Variants in JMJD1C observed in about 807,000 individuals in gnomAD.
JMJD1C encodes jumonji domain-containing protein 1C.
A neutral mutation model predicts 245.3 loss-of-function variants in JMJD1C; 31 were observed. The observed-to-expected ratio is 0.13, with a 90% CI of 0.09 to 0.17. The LOEUF is 0.17. JMJD1C is among the 10% of genes least tolerant of loss of function. JMJD1C has a pLI of 1.00. For missense variants in JMJD1C, 2,691 were observed against 3,000.2 expected (o/e 0.90, Z 2.41); for synonymous variants, 1,057 against 1,017.4 (o/e 1.04, Z -0.74).
chr10:63,417,017 A>G (rs1481377797), intron 1 of JMJD1C, among the ~76,000 whole-genome samples: 2 of 152,182 alleles, frequency 1.3e-5, no homozygotes, highest in African/African-American at 4.8e-5. Flanking sequence ...ACTAATTCAC[A>G]TTACTAGGTG....
chr10:63,355,799 A>C lies in JMJD1C; in HGVS notation c.333+24519T>G, dbSNP rs796368870. Among the ~76,000 whole-genome samples, 18 of 152,302 alleles carry C rather than the reference A, an allele frequency of 1.2e-4. 1 individual carries two copies. Among genetic ancestry groups the C allele is most frequent in the African/African-American group, 4.3e-4 (18 of 41,568 alleles). On this transcript the variant is annotated intron_variant, in intron 2 of 25. Transcript: ENST00000399262. ...GCATTTATCTTAGATCATATACAAT[A>C]ATGAGATGGGCGCCCAGTGAGAAAG...
At chr10:63,450,045 C>T (rs958011665) in intron 1 of JMJD1C, among the ~76,000 whole-genome samples, 1 of 151,954 alleles carries the variant, frequency 6.6e-6, no homozygotes, top group African/African-American at 2.4e-5. Flanking sequence ...CCCAGGAGGT[C>T]CGGGCTACAA....
At chr10:63,363,626 G>A (rs763383262) in intron 2 of JMJD1C, among the ~76,000 whole-genome samples, 1 of 151,966 alleles carries the variant, frequency 6.6e-6, no homozygotes, top group Admixed American at 6.6e-5. Flanking sequence ...AAAGCATCTG[G>A]GGCTTTGATT....
At chr10:63,443,666 T>C (rs1037732505) in intron 1 of JMJD1C, among the ~76,000 whole-genome samples, 8 of 152,174 alleles carry the variant, frequency 5.3e-5, no homozygotes, top group Non-Finnish European at 7.4e-5. Flanking sequence ...TTATAGAGGT[T>C]TGGTTACATA....
chr10:63,211,858 A>G (rs1847397674), intron 8 of JMJD1C, among the ~76,000 whole-genome samples: 2 of 151,444 alleles, frequency 1.3e-5, no homozygotes, highest in Admixed American at 6.6e-5. Flanking sequence ...CCCCACAAAA[A>G]AACAAAAAAA....
intron 2 of JMJD1C, among the ~76,000 whole-genome samples, chr10:63,305,609 G>T (rs1399387086): frequency 7.4e-6 from 1 of 135,876 alleles, no homozygotes; most frequent in Non-Finnish European, 1.6e-5. Flanking sequence ...TGGGACTACG[G>T]GCAAGCACCA....
chr10:63,399,342 C>G (rs987784985), intron 1 of JMJD1C, among the ~76,000 whole-genome samples: 6 of 152,068 alleles, frequency 3.9e-5, no homozygotes, highest in African/African-American at 1.2e-4. Flanking sequence ...AACCATATAT[C>G]CAAGGAACCC....
upstream of JMJD1C, among the ~76,000 whole-genome samples, chr10:63,466,812 C>T (rs1182057793): frequency 6.6e-6 from 1 of 152,158 alleles, no homozygotes; most frequent in African/African-American, 2.4e-5. Context: ...CATCCAATTA[C>T]AATCGGACTC....
intron 2 of JMJD1C, among the ~76,000 whole-genome samples, chr10:63,330,798 G>A (rs1013391668): frequency 2.0e-5 from 3 of 152,040 alleles, no homozygotes; most frequent in African/African-American, 7.3e-5. Context: ...TTGTATTTCT[G>A]AAATTTGGCT....
chr10:63,323,188 A>C (rs899900053), intron 2 of JMJD1C, among the ~76,000 whole-genome samples: 2 of 152,166 alleles, frequency 1.3e-5, no homozygotes, highest in Non-Finnish European at 2.9e-5. Flanking sequence ...GCTGAAACAC[A>C]AGGAAAAGCC....
intron 2 of JMJD1C, among the ~76,000 whole-genome samples, chr10:63,362,751 G>C (rs908628229): frequency 1.3e-5 from 2 of 152,106 alleles, no homozygotes; most frequent in Middle Eastern, 3.4e-3. Context: ...AAAATGCTGG[G>C]ATTACAGGCA....
chr10:63,423,245 G>A (rs1329372079), intron 1 of JMJD1C, among the ~76,000 whole-genome samples: 1 of 152,128 alleles, frequency 6.6e-6, no homozygotes, highest in Non-Finnish European at 1.5e-5. Flanking sequence ...GATTACAGGC[G>A]TGAGGCACCG....
At chr10:63,498,323 C>T (rs1954424947) in intron 1 of JMJD1C, among the ~76,000 whole-genome samples, 1 of 152,046 alleles carries the variant, frequency 6.6e-6, no homozygotes, top group African/African-American at 2.4e-5. Context: ...TTCTCATCAG[C>T]AAGAAACAAG....
intron 1 of JMJD1C, among the ~76,000 whole-genome samples, chr10:63,442,512 G>A (rs1210635064): frequency 6.6e-6 from 1 of 152,198 alleles, no homozygotes; most frequent in Non-Finnish European, 1.5e-5. Flanking sequence ...GCAGCAGAAT[G>A]TTATGTATTT....
At chr10:63,302,302 G>A (rs184734994) in intron 2 of JMJD1C, among the ~76,000 whole-genome samples, 1 of 152,140 alleles carries the variant, frequency 6.6e-6, no homozygotes, top group African/African-American at 2.4e-5. Context: ...GTTACGAGAA[G>A]AAAAATGCCT....
chr10:63,517,095 T>C (rs1955041892), intron 1 of JMJD1C, among the ~76,000 whole-genome samples: 1 of 152,198 alleles, frequency 6.6e-6, no homozygotes, highest in East Asian at 1.9e-4. Flanking sequence ...CAAATAAATA[T>C]ATTTTTTAGC....
At chr10:63,261,138 T>A (rs74137711) in intron 3 of JMJD1C, among the ~76,000 whole-genome samples, 1 of 152,172 alleles carries the variant, frequency 6.6e-6, no homozygotes, top group Non-Finnish European at 1.5e-5. Context: ...CGAGGCCTGT[T>A]GCTTCAGTGG....
chr10:63,243,000 GA>G (rs754328568), intron 3 of JMJD1C, among the ~76,000 whole-genome samples: 5 of 150,822 alleles, frequency 3.3e-5, no homozygotes, highest in African/African-American at 4.9e-5. Flanking sequence ...ACAAAATTGG[GA>G]ATGGAGTCCA....
At chr10:63,324,342 C>A (rs972786891) in intron 2 of JMJD1C, among the ~76,000 whole-genome samples, 1 of 151,938 alleles carries the variant, frequency 6.6e-6, no homozygotes, top group Non-Finnish European at 1.5e-5. Flanking sequence ...AACAGCTAAA[C>A]CAAAAATCAA....
Sources: gnomAD v4.1 joint callset for allele counts (sites outside exome capture counted in the v4.1 genomes callset) on GRCh38, gnomAD v4.1.1 for gene constraint, MANE v1.5 for transcripts, NCBI Gene and HGNC (gene_info 2026-07-23, HGNC 2026-07-21) for gene names.